LCOR: variants seen among roughly 807,000 people sequenced by gnomAD.
The protein encoded by LCOR is ligand dependent nuclear receptor corepressor.
Under a neutral mutation model 64.4 loss-of-function variants are expected in LCOR, and 14 were observed. That is an observed-to-expected ratio of 0.22 (90% CI 0.14 to 0.34). The LOEUF (loss-of-function observed/expected upper bound fraction) is 0.34. LCOR is among the 10% of genes least tolerant of loss of function. The probability of loss-of-function intolerance (pLI) is 1.00; values close to 1 mark genes in which losing one functional copy is unlikely to be tolerated. For missense variants in LCOR, 1,686 were observed against 1,765.3 expected, an observed-to-expected ratio of 0.96 and a Z score of 0.80; for synonymous variants, 643 against 642.5, an observed-to-expected ratio of 1.00 and a Z score of -0.01.
chr10:96,941,258 CCGGA>C (rs1847465870), intron 4 of LCOR, among the ~76,000 whole-genome samples: 1 of 141,762 alleles, frequency 7.1e-6, no homozygotes, highest in Admixed American at 6.9e-5. Context: ...CACCTCCCTC[CCGGA>C]CGGGGCGGCT....
intron 2 of LCOR, among the ~76,000 whole-genome samples, chr10:96,846,334 A>G (rs971071540): frequency 5.9e-5 from 9 of 151,968 alleles, no homozygotes; most frequent in Admixed American, 4.6e-4. Flanking sequence ...GGCTCACTGC[A>G]GTTTTAGCCT....
At chr10:96,944,032 A>G (rs1847544721) in intron 4 of LCOR, 81 bp from the exon 5 acceptor site, 3 of 872,148 alleles carry the variant, frequency 3.4e-6, no homozygotes, top group Non-Finnish European at 4.1e-6. Context: ...CTTATTTGCT[A>G]CTAACTTTGA....
rs138492649 is a variant in LCOR, at chr10:96,847,656, T to G, written c.-330+14177T>G. On this transcript the variant is annotated intron_variant, in intron 2 of 7. Coordinates refer to ENST00000421806, the MANE Select transcript of LCOR (RefSeq NM_001346516.2). ...GGGTTTCTCCATGTTGGTCAGGCTG[T>G]TCTCTTAACTCCCGACCTCAGGTGA... 1.1e-3 allele frequency among the ~76,000 whole-genome samples: 161 copies of G among 152,228 alleles called. 1 individual carries two copies. Among genetic ancestry groups the G allele is most frequent in the African/African-American group, 3.7e-3 (155 of 41,532 alleles).
chr10:96,832,872 A>ACCC, intron 1 of LCOR: 1 of 515,094 alleles, frequency 1.9e-6, no homozygotes, highest in Non-Finnish European at 2.5e-6. Context: ...CTCCTGCGCC[A>ACCC]CCCCTCCCCC....
At position 96,994,716 on chromosome 10, in the gene LCOR, T is replaced by A. The variant is rs1848229035; in HGVS notation, c.*9582T>A. ...TGGGGCATTGTAGATTATGTGGGGG[T>A]ACAATAGAATTCTGGCCTGAGGCTC... On this transcript the variant is annotated 3_prime_UTR_variant, in exon 8 of 8. Transcript: ENST00000421806. The A allele has an allele frequency of 1.3e-5, 2 of 151,976 alleles. No individual in the cohort carries two copies. The highest frequency in any genetic ancestry group is 1.3e-4 in the Admixed American group (2 of 15,252). 9.4% of individuals were successfully genotyped at this position (151,976 alleles called of 1,614,324 possible). A position where few individuals can be genotyped will look rare whatever the true frequency, so the allele number is the denominator to read the frequency against.
At chr10:96,832,924 G>C in intron 1 of LCOR, 1 of 931,828 alleles carries the variant, frequency 1.1e-6, no homozygotes, top group Non-Finnish European at 1.3e-6. Flanking sequence ...ACGCGCGGCG[G>C]GCTGCAGGCG....
chr10:96,851,417 C>T (rs1445986174), intron 2 of LCOR, among the ~76,000 whole-genome samples: 2 of 152,128 alleles, frequency 1.3e-5, no homozygotes, highest in Non-Finnish European at 2.9e-5. Flanking sequence ...GCTTTTCAAA[C>T]GAAGTTTTAG....
In LCOR at chr10:96,862,869, C is replaced by CT. The variant is rs1354549936; in HGVS notation, c.-330+29393dup. Among the ~76,000 whole-genome samples the CT allele has an allele frequency of 3.3e-5, 5 of 151,208 alleles. No homozygotes were observed. In the South Asian group the frequency reaches 1.0e-3, roughly 32 times the overall value. On this transcript the variant is annotated intron_variant, in intron 2 of 7. Coordinates refer to ENST00000421806, the MANE Select transcript of LCOR (RefSeq NM_001346516.2). ...TTTTTAAAGTTTAGTAATATGTTTT[C>CT]TTTCTTTTCTTTTCTTTTTTTTTTT...
chr10:96,912,645 T>TTCCTTCC (rs370297935), intron 4 of LCOR, among the ~76,000 whole-genome samples: 1 of 144,296 alleles, frequency 6.9e-6, no homozygotes, highest in African/African-American at 2.7e-5. Context: ...CCTTCCTTCC[T>TTCCTTCC]TTCCTTCTTT....
chr10:96,847,669 C>T lies in LCOR; in HGVS notation c.-330+14190C>T, dbSNP rs921594112. Among the ~76,000 whole-genome samples, 10 of 152,090 alleles carry T rather than the reference C, an allele frequency of 6.6e-5. No homozygotes were observed. The East Asian group carries it at 1.2e-3, about 18-fold the overall frequency. ...TTGGTCAGGCTGTTCTCTTAACTCC[C>T]GACCTCAGGTGATCTGCCTACCTTG... On this transcript the variant is annotated intron_variant, in intron 2 of 7. Coordinates refer to ENST00000421806, the MANE Select transcript of LCOR (RefSeq NM_001346516.2).
At chr10:96,860,797 C>T (rs1845875808) in intron 2 of LCOR, among the ~76,000 whole-genome samples, 1 of 152,050 alleles carries the variant, frequency 6.6e-6, no homozygotes, top group Non-Finnish European at 1.5e-5. Context: ...ACCTGTGTTC[C>T]TAGTTGATGG....
chr10:96,937,450 T>C (rs1663679304), intron 4 of LCOR, among the ~76,000 whole-genome samples: 1 of 152,178 alleles, frequency 6.6e-6, no homozygotes, highest in South Asian at 2.1e-4. Context: ...GAGATTAAAT[T>C]AGTAATTTAT....
intron 2 of LCOR, among the ~76,000 whole-genome samples, chr10:96,837,442 G>C (rs956220698): frequency 2.8e-4 from 42 of 151,532 alleles, no homozygotes; most frequent in Non-Finnish European, 4.7e-4. Context: ...ATTTTTAGTA[G>C]AGATGAGGGT....
chr10:96,931,540 G>A (rs768450757), intron 4 of LCOR, among the ~76,000 whole-genome samples: 4 of 151,928 alleles, frequency 2.6e-5, no homozygotes, highest in Non-Finnish European at 4.4e-5. Context: ...TGGCAGCATT[G>A]GTAGTTTCTA....
chr10:96,904,306 T>C (rs545214733), intron 2 of LCOR, among the ~76,000 whole-genome samples: 1 of 152,310 alleles, frequency 6.6e-6, no homozygotes, highest in East Asian at 1.9e-4. Context: ...GAGGTAGGAA[T>C]GATCACTGAA....
Position 96,832,325 on chromosome 10 carries a change from A to G in LCOR, c.-478A>G. The G allele has an allele frequency of 1.0e-6, 1 of 984,032 alleles. No individual in the cohort carries two copies. The highest frequency in any genetic ancestry group is 1.2e-6 in the Non-Finnish European group (1 of 829,440). 61.0% of individuals were successfully genotyped at this position (984,032 alleles called of 1,614,324 possible). On this transcript the variant is annotated 5_prime_UTR_variant, in exon 1 of 8. Coordinates refer to ENST00000421806, the MANE Select transcript of LCOR (RefSeq NM_001346516.2). ...AAGATGGCGAGGGTGTGTAGGCGGC[A>G]GCAATGCTCCGTTGAGAGACGCGGC...
chr10:96,986,496 C>A lies in LCOR; in HGVS notation c.*1362C>A, dbSNP rs1848150964. ...TTCATTCTGATTGATTAACACCATC[C>A]TAGTAGTTAAATGCTTGTAGTATCA... On this transcript the variant is annotated 3_prime_UTR_variant, in exon 8 of 8. Coordinates refer to ENST00000421806, the MANE Select transcript of LCOR (RefSeq NM_001346516.2). 1 of 152,190 alleles carries A rather than the reference C, an allele frequency of 6.6e-6. No homozygotes were observed. The highest frequency in any genetic ancestry group is 1.5e-5 in the Non-Finnish European group (1 of 68,036). 9.4% of individuals were successfully genotyped at this position (152,190 alleles called of 1,614,324 possible). A position where few individuals can be genotyped will look rare whatever the true frequency, so the allele number is the denominator to read the frequency against.
intron 2 of LCOR, among the ~76,000 whole-genome samples, chr10:96,847,347 CAAA>C (rs542943351): frequency 5.4e-5 from 4 of 74,256 alleles, no homozygotes; most frequent in Non-Finnish European, 8.7e-5. Flanking sequence ...CTTAATTTTT[CAAA>C]AAAAAAAAAA....
At chr10:96,918,006 G>A (rs116770421) in intron 4 of LCOR, among the ~76,000 whole-genome samples, 4,227 of 152,230 alleles carry the variant, frequency 0.028, 198 homozygotes, top group African/African-American at 0.096. Flanking sequence ...CAGTAGACAG[G>A]GTTGTGGGAA....
Sources: allele counts gnomAD v4.1 joint callset (sites outside exome capture counted in the v4.1 genomes callset), GRCh38; gene constraint gnomAD v4.1.1; transcripts MANE v1.5; gene names NCBI Gene and HGNC (gene_info 2026-07-23, HGNC 2026-07-21).